Variants in CNTNAP2 observed in about 807,000 individuals in gnomAD.
CNTNAP2 encodes contactin associated protein 2.
Under a neutral mutation model 155.2 loss-of-function variants are expected in CNTNAP2, and 98 were observed. The observed-to-expected ratio is 0.63, with a 90% CI of 0.54 to 0.75. CNTNAP2 has a LOEUF of 0.75. Ranked by LOEUF, CNTNAP2 falls within the 30% of genes least tolerant of loss-of-function variation. The pLI, the probability that CNTNAP2 is intolerant of heterozygous loss-of-function variation, is 0.00. For synonymous variants in CNTNAP2, 651 were observed against 631.2 expected (o/e 1.03, Z -0.47); for missense variants, 1,727 against 1,688.1 (o/e 1.02, Z -0.40).
chr7:146,778,243 T>G (rs1802424220), intron 2 of CNTNAP2, among the ~76,000 whole-genome samples: 3 of 152,216 alleles, frequency 2.0e-5, no homozygotes, highest in Admixed American at 1.3e-4. Context: ...AGAGAAAGTT[T>G]ATAAATACAT....
chr7:146,349,419 AC>A (rs1373022948), intron 1 of CNTNAP2, among the ~76,000 whole-genome samples: 2 of 152,224 alleles, frequency 1.3e-5, no homozygotes, highest in Admixed American at 1.3e-4. Context: ...CATAATGAAA[AC>A]AAAAACGAAG....
rs200052441 is a variant in CNTNAP2, at chr7:148,415,792, C to A, written c.*176C>A. The A allele has an allele frequency of 3.3e-5, 21 of 637,918 alleles. No individual in the cohort carries two copies. Among genetic ancestry groups the A allele is most frequent in the East Asian group, 1.7e-4 (6 of 34,350 alleles). 39.5% of individuals were successfully genotyped at this position (637,918 alleles called of 1,614,324 possible). A position where few individuals can be genotyped will look rare whatever the true frequency, so the allele number is the denominator to read the frequency against. ...TTGAGACTGATCACAAAAAAAAAAACCTTTTTAATATTTCTTTATAGCTGA... is the reference window on the plus strand; with the variant it reads ...TTGAGACTGATCACAAAAAAAAAAAACTTTTTAATATTTCTTTATAGCTGA... On this transcript the variant is annotated 3_prime_UTR_variant, in exon 24 of 24. Coordinates refer to ENST00000361727, the MANE Select transcript of CNTNAP2 (RefSeq NM_014141.6).
intron 1 of CNTNAP2, among the ~76,000 whole-genome samples, chr7:146,508,039 G>T (rs73464762): frequency 0.019 from 2,966 of 152,282 alleles, 96 homozygotes; most frequent in African/African-American, 0.068. Context: ...TGAAGGGGGT[G>T]TTACTTTATT....
intron 2 of CNTNAP2, among the ~76,000 whole-genome samples, chr7:146,820,572 T>A (rs1170491958): frequency 2.0e-5 from 3 of 151,980 alleles, no homozygotes; most frequent in Non-Finnish European, 4.4e-5. Context: ...TGCTGAGGAG[T>A]GCTTTACTTC....
At chr7:148,094,258 A>G (rs949998147) in intron 15 of CNTNAP2, among the ~76,000 whole-genome samples, 46 of 152,236 alleles carry the variant, frequency 3.0e-4, no homozygotes, top group African/African-American at 1.1e-3. Context: ...ATGTTTTGTG[A>G]AACATATGGA....
intron 13 of CNTNAP2, among the ~76,000 whole-genome samples, chr7:147,834,591 C>G (rs565365766): frequency 6.6e-6 from 1 of 152,144 alleles, no homozygotes; most frequent in Non-Finnish European, 1.5e-5. Flanking sequence ...ACACCTACAT[C>G]GACCAAATGG....
At chr7:146,304,991 ACTTCT>A (rs1452494799) in intron 1 of CNTNAP2, among the ~76,000 whole-genome samples, 3 of 151,740 alleles carry the variant, frequency 2.0e-5, no homozygotes, top group South Asian at 2.1e-4. Flanking sequence ...TTTTCTCTAA[ACTTCT>A]CTTCTCACTT....
At chr7:148,118,414 T>G (rs955913027) in intron 16 of CNTNAP2, 126 bp downstream of exon 16, 4 of 1,054,954 alleles carry the variant, frequency 3.8e-6, no homozygotes, top group Admixed American at 2.0e-5. Flanking sequence ...GGAGCAGGAC[T>G]AGAGGTGGAC....
intron 13 of CNTNAP2, among the ~76,000 whole-genome samples, chr7:147,842,587 C>CTTTTTTTTTTTTTTTT (rs3055146): frequency 1.2e-5 from 1 of 84,408 alleles, no homozygotes; most frequent in Non-Finnish European, 2.3e-5. Context: ...TTTTACTTTT[C>CTTTTTTTTTTTTTTTT]TTTTTTTTTT....
chr7:147,009,982 C>T (rs1584781084), intron 3 of CNTNAP2, among the ~76,000 whole-genome samples: 1 of 150,594 alleles, frequency 6.6e-6, no homozygotes, highest in African/African-American at 2.4e-5. Context: ...TATCATTGAA[C>T]ACACCAGGCG....
chr7:148,254,206 G>A (rs534157850), intron 20 of CNTNAP2, among the ~76,000 whole-genome samples: 4 of 152,174 alleles, frequency 2.6e-5, no homozygotes, highest in African/African-American at 7.2e-5. Flanking sequence ...GCAAGCAGAC[G>A]ATGTGACATC....
chr7:146,448,288 C>T (rs1304737656), intron 1 of CNTNAP2, among the ~76,000 whole-genome samples: 1 of 151,954 alleles, frequency 6.6e-6, no homozygotes, highest in African/African-American at 2.4e-5. Flanking sequence ...GACAAAACAG[C>T]TTGTCATTCC....
chr7:148,269,957 A>G (rs982892834), intron 21 of CNTNAP2, among the ~76,000 whole-genome samples: 3 of 152,252 alleles, frequency 2.0e-5, no homozygotes, highest in Admixed American at 2.0e-4. Context: ...GATATTCGTA[A>G]AGTAACATCA....
chr7:148,253,999 G>T (rs769939648), intron 20 of CNTNAP2, among the ~76,000 whole-genome samples: 1 of 151,782 alleles, frequency 6.6e-6, no homozygotes, highest in African/African-American at 2.4e-5. Flanking sequence ...TTTTTGATCC[G>T]CATTTGGTTG....
At chr7:147,486,889 CTGTGTGTG>C (rs10544219) in intron 11 of CNTNAP2, among the ~76,000 whole-genome samples, 2 of 146,840 alleles carry the variant, frequency 1.4e-5, no homozygotes, top group African/African-American at 2.5e-5. Flanking sequence ...ACGTATGTGC[CTGTGTGTG>C]TGTGTGTGTG....
chr7:146,710,226 G>A (rs1394450014), intron 1 of CNTNAP2, among the ~76,000 whole-genome samples: 1 of 152,152 alleles, frequency 6.6e-6, no homozygotes, highest in Non-Finnish European at 1.5e-5. Flanking sequence ...CAAAATCTAA[G>A]AACTACCAGT....
intron 1 of CNTNAP2, among the ~76,000 whole-genome samples, chr7:146,254,639 G>T (rs566102609): frequency 5.3e-5 from 8 of 152,228 alleles, no homozygotes; most frequent in Admixed American, 5.2e-4. Context: ...TGCCAATTTT[G>T]GGAAAACAAT....
At chr7:146,769,349 A>C (rs71530760) in intron 1 of CNTNAP2, among the ~76,000 whole-genome samples, 8,416 of 152,312 alleles carry the variant, frequency 0.055, 332 homozygotes, top group Non-Finnish European at 0.077. Context: ...CTGATTTCCT[A>C]GTATTTAATG....
chr7:146,276,504 G>A (rs802510), intron 1 of CNTNAP2, among the ~76,000 whole-genome samples: 10,675 of 152,156 alleles, frequency 0.07, 1,045 homozygotes, highest in African/African-American at 0.22. Context: ...CATATTAAAC[G>A]TATAACATAT....
Sources: allele counts gnomAD v4.1 joint callset (sites outside exome capture counted in the v4.1 genomes callset), GRCh38; gene constraint gnomAD v4.1.1; transcripts MANE v1.5; gene names NCBI Gene and HGNC (gene_info 2026-07-23, HGNC 2026-07-21).